SEMA5A: variants seen among roughly 807,000 people sequenced by gnomAD.
SEMA5A encodes semaphorin 5A.
Under a neutral mutation model 135.5 loss-of-function variants are expected in SEMA5A, and 55 were observed. That is an observed-to-expected ratio of 0.41 (90% CI 0.33 to 0.51). The LOEUF (loss-of-function observed/expected upper bound fraction) is 0.51, where lower values mean the gene tolerates loss of function less well. SEMA5A is among the 20% of genes least tolerant of loss of function. The probability of loss-of-function intolerance (pLI) is 0.37; values close to 1 mark genes in which losing one functional copy is unlikely to be tolerated. For synonymous variants in SEMA5A, 580 were observed against 546.5 expected, an observed-to-expected ratio of 1.06 and a Z score of -0.85; for missense variants, 1,290 against 1,419.9, an observed-to-expected ratio of 0.91 and a Z score of 1.47.
chr5:9,344,881 C>G (rs1162843353), intron 3 of SEMA5A, among the ~76,000 whole-genome samples: 3 of 152,158 alleles, frequency 2.0e-5, no homozygotes, highest in African/African-American at 7.2e-5. Context: ...GCACTTCAGT[C>G]CAGCCCTTGA....
At chr5:9,207,114 A>G (rs866785129) in intron 8 of SEMA5A, among the ~76,000 whole-genome samples, 7 of 132,418 alleles carry the variant, frequency 5.3e-5, no homozygotes, top group African/African-American at 8.6e-5. Context: ...ATATATATAT[A>G]TATATATATA....
At chr5:9,460,590 C>T (rs892342350) in intron 1 of SEMA5A, among the ~76,000 whole-genome samples, 7 of 152,010 alleles carry the variant, frequency 4.6e-5, no homozygotes, top group Admixed American at 6.6e-5. Flanking sequence ...TCTACTCACT[C>T]GAAGCAAAAC....
chr5:9,254,429 G>A (rs150214257), intron 5 of SEMA5A, among the ~76,000 whole-genome samples: 9 of 152,270 alleles, frequency 5.9e-5, no homozygotes, highest in Admixed American at 4.6e-4. Context: ...TAAGAGAGAC[G>A]TATGCTTGCT....
chr5:9,441,537 G>A (rs1758233607), intron 1 of SEMA5A, among the ~76,000 whole-genome samples: 1 of 152,062 alleles, frequency 6.6e-6, no homozygotes, highest in South Asian at 2.1e-4. Flanking sequence ...GAGTTTGCAG[G>A]AGTGCAAACT....
intron 5 of SEMA5A, among the ~76,000 whole-genome samples, chr5:9,253,955 T>C (rs1748929355): frequency 1.3e-5 from 2 of 152,204 alleles, no homozygotes; most frequent in South Asian, 4.1e-4. Context: ...CCTCCATGCC[T>C]AACATCATTA....
chr5:9,215,591 G>A (rs933627122), intron 8 of SEMA5A, among the ~76,000 whole-genome samples: 1 of 152,162 alleles, frequency 6.6e-6, no homozygotes, highest in African/African-American at 2.4e-5. Context: ...AGCTAGAGGA[G>A]GTAACCATGG....
chr5:9,237,072 G>A (rs1250141202), intron 6 of SEMA5A, among the ~76,000 whole-genome samples: 2 of 152,128 alleles, frequency 1.3e-5, no homozygotes, highest in East Asian at 3.9e-4. Flanking sequence ...TATAACTGCT[G>A]TCTTCTGTAA....
chr5:9,115,812 C>T (rs1740479458), intron 15 of SEMA5A, among the ~76,000 whole-genome samples: 1 of 152,166 alleles, frequency 6.6e-6, no homozygotes, highest in Non-Finnish European at 1.5e-5. Flanking sequence ...TGTGTCATCA[C>T]CTCCTCTAGG....
At chr5:9,304,596 T>C (rs1751772309) in intron 5 of SEMA5A, among the ~76,000 whole-genome samples, 1 of 152,186 alleles carries the variant, frequency 6.6e-6, no homozygotes, top group African/African-American at 2.4e-5. Flanking sequence ...TTAACTGGTT[T>C]ATTTATGTAT....
At chr5:9,102,998 C>T (rs769891551) in intron 16 of SEMA5A, among the ~76,000 whole-genome samples, 16 of 152,086 alleles carry the variant, frequency 1.1e-4, no homozygotes, top group Non-Finnish European at 1.9e-4. Flanking sequence ...ACAAAATATA[C>T]CTGTTTGGGG....
chr5:9,189,679 G>A (rs1271564961), intron 11 of SEMA5A, among the ~76,000 whole-genome samples: 1 of 152,180 alleles, frequency 6.6e-6, no homozygotes, highest in African/African-American at 2.4e-5. Flanking sequence ...AGCCGTCTGT[G>A]TAATGAACTG....
At chr5:9,255,083 AATG>A (rs1404884750) in intron 5 of SEMA5A, among the ~76,000 whole-genome samples, 1 of 152,144 alleles carries the variant, frequency 6.6e-6, no homozygotes, top group East Asian at 1.9e-4. Flanking sequence ...GCTCCATCCA[AATG>A]ATGATAGTAT....
At chr5:9,452,772 C>T (rs561028723) in intron 1 of SEMA5A, among the ~76,000 whole-genome samples, 2 of 152,302 alleles carry the variant, frequency 1.3e-5, no homozygotes, top group African/African-American at 4.8e-5. Flanking sequence ...CTATTTATTA[C>T]AAAAGCTCCA....
At chr5:9,088,637 A>T (rs6880151) in intron 16 of SEMA5A, among the ~76,000 whole-genome samples, 89 of 108,044 alleles carry the variant, frequency 8.2e-4, no homozygotes, top group African/African-American at 2.5e-3. Context: ...CTACATTTAT[A>T]ATATATATAT....
At chr5:9,160,684 A>C (rs1743206127) in intron 11 of SEMA5A, among the ~76,000 whole-genome samples, 1 of 152,190 alleles carries the variant, frequency 6.6e-6, no homozygotes, top group African/African-American at 2.4e-5. Context: ...CAGTCAAAGA[A>C]GACCAGGAGT....
chr5:9,477,567 C>G (rs1040372073), intron 1 of SEMA5A, among the ~76,000 whole-genome samples: 3 of 152,180 alleles, frequency 2.0e-5, no homozygotes, highest in African/African-American at 7.2e-5. Flanking sequence ...AAAGGTCACT[C>G]TTGCTATGCT....
In SEMA5A at chr5:9,152,492, T is replaced by C. The variant is rs142411748; in HGVS notation, c.1481+1996A>G. On this transcript the variant is annotated intron_variant, in intron 12 of 22. Coordinates refer to ENST00000382496, the MANE Select transcript of SEMA5A (RefSeq NM_003966.3). ...AGTTAATAAATACCACTAGCTGTTA[T>C]TAATGTTCACAATATCATTATGATT... Among the ~76,000 whole-genome samples, 540 of 152,324 alleles carry C rather than the reference T, an allele frequency of 3.5e-3. 2 individuals are homozygous for C. Among genetic ancestry groups the C allele is most frequent in the African/African-American group, 0.013 (521 of 41,572 alleles).
At chr5:9,484,726 C>T (rs1760012352) in intron 1 of SEMA5A, among the ~76,000 whole-genome samples, 2 of 152,120 alleles carry the variant, frequency 1.3e-5, no homozygotes, top group African/African-American at 4.8e-5. Context: ...GCGAGTCGGT[C>T]TCAGTTGAAC....
At chr5:9,453,743 C>T (rs1462046539) in intron 1 of SEMA5A, among the ~76,000 whole-genome samples, 2 of 152,158 alleles carry the variant, frequency 1.3e-5, no homozygotes, top group Non-Finnish European at 2.9e-5. Context: ...TTTGCTAATT[C>T]AGTATTTGCA....
Sources: allele counts gnomAD v4.1 joint callset (sites outside exome capture counted in the v4.1 genomes callset), GRCh38; gene constraint gnomAD v4.1.1; transcripts MANE v1.5; gene names NCBI Gene and HGNC (gene_info 2026-07-23, HGNC 2026-07-21).